Variants in GRID2 observed in about 807,000 individuals in gnomAD.
GRID2 encodes glutamate ionotropic receptor delta type subunit 2, also known as glutamate receptor ionotropic, delta-2.
Under a neutral mutation model 114.8 loss-of-function variants are expected in GRID2, and 33 were observed. The ratio of observed to expected loss-of-function variants is 0.29; its 90% CI spans 0.22 to 0.38. The LOEUF (loss-of-function observed/expected upper bound fraction) is 0.38, where lower values mean the gene tolerates loss of function less well. GRID2 is among the 10% of genes least tolerant of loss of function. The probability of loss-of-function intolerance (pLI) is 1.00; values close to 1 mark genes in which losing one functional copy is unlikely to be tolerated. For missense variants in GRID2, 1,184 were observed against 1,257.7 expected, an observed-to-expected ratio of 0.94 and a Z score of 0.89; for synonymous variants, 505 against 449.9, an observed-to-expected ratio of 1.12 and a Z score of -1.55.
At chr4:92,356,629 T>C (rs1446887325) in intron 1 of GRID2, among the ~76,000 whole-genome samples, 2 of 151,734 alleles carry the variant, frequency 1.3e-5, no homozygotes, top group African/African-American at 2.4e-5. Flanking sequence ...TATATATGTA[T>C]AGATGTTTAT....
chr4:92,525,110 G>T (rs980034526), intron 1 of GRID2, among the ~76,000 whole-genome samples: 1 of 152,000 alleles, frequency 6.6e-6, no homozygotes, highest in African/African-American at 2.4e-5. Context: ...CAGTTGCAGA[G>T]AGTGGCTGTG....
intron 1 of GRID2, among the ~76,000 whole-genome samples, chr4:92,328,813 A>G (rs1295076196): frequency 6.6e-6 from 1 of 152,060 alleles, no homozygotes; most frequent in Non-Finnish European, 1.5e-5. Context: ...GTGCTTTTCT[A>G]ACTGCTACAG....
intron 8 of GRID2, among the ~76,000 whole-genome samples, chr4:93,330,277 G>A (rs1201897244): frequency 6.6e-6 from 1 of 152,082 alleles, no homozygotes; most frequent in African/African-American, 2.4e-5. Flanking sequence ...ATCAAAGTTA[G>A]GGAGTGAGGT....
intron 8 of GRID2, among the ~76,000 whole-genome samples, chr4:93,342,960 G>T (rs1759816593): frequency 6.6e-6 from 1 of 152,142 alleles, no homozygotes; most frequent in African/African-American, 2.4e-5. Flanking sequence ...AAATATTCAT[G>T]AAGCTTAAGT....
At chr4:92,974,534 G>T (rs555776777) in intron 2 of GRID2, among the ~76,000 whole-genome samples, 9 of 152,198 alleles carry the variant, frequency 5.9e-5, no homozygotes, top group Non-Finnish European at 1.3e-4. Context: ...AATGTCCATT[G>T]CAGGGACATG....
intron 8 of GRID2, among the ~76,000 whole-genome samples, chr4:93,249,473 C>T (rs983604912): frequency 1.3e-5 from 2 of 152,072 alleles, no homozygotes; most frequent in African/African-American, 4.8e-5. Flanking sequence ...GCAGCATGGC[C>T]AACTTCATGA....
chr4:92,977,460 G>T (rs1257671492), intron 2 of GRID2, among the ~76,000 whole-genome samples: 2 of 152,172 alleles, frequency 1.3e-5, no homozygotes, highest in Non-Finnish European at 2.9e-5. Context: ...CATAGTAGAA[G>T]ATGAAAATGG....
intron 2 of GRID2, among the ~76,000 whole-genome samples, chr4:92,914,724 C>T (rs1358343486): frequency 6.6e-6 from 1 of 152,022 alleles, no homozygotes; most frequent in Non-Finnish European, 1.5e-5. Context: ...TCCAGCTTAT[C>T]CATGTTCTTG....
At chr4:93,484,035 AT>A (rs1217143838) in intron 11 of GRID2, among the ~76,000 whole-genome samples, 1 of 151,714 alleles carries the variant, frequency 6.6e-6, no homozygotes, top group African/African-American at 2.4e-5. Context: ...CTAATTGTGG[AT>A]AAAAAAAGGA....
Position 93,567,752 on chromosome 4 carries a change from A to G in GRID2, c.2193+52341A>G, listed in dbSNP as rs1735570991. On this transcript the variant is annotated intron_variant, in intron 13 of 15. Transcript: ENST00000282020. The stretch of plus-strand genomic sequence containing the variant: ...TCCATTCTCCTCTTGAGACTTAGAG[A>G]ATGGAACAGTAACCTTGTGACCAGG... 3.3e-5 allele frequency among the ~76,000 whole-genome samples: 5 copies of G among 152,170 alleles called. No homozygotes were observed. The South Asian group carries it at 8.3e-4, about 25-fold the overall frequency.
In GRID2 at chr4:93,309,355, C is replaced by T. The variant is rs148987638; in HGVS notation, c.1245+70865C>T. On this transcript the variant is annotated intron_variant, in intron 8 of 15. Coordinates refer to ENST00000282020, the MANE Select transcript of GRID2 (RefSeq NM_001510.4). ...TTCCAGACCAGCTTAGCCAACATGG[C>T]GAAACCCTGTCTCTGTTAAAATTAC... Among the ~76,000 whole-genome samples the T allele has an allele frequency of 1.2e-4, 19 of 152,014 alleles. No homozygotes were observed. The East Asian group carries it at 3.1e-3, about 25-fold the overall frequency.
At chr4:93,544,506 G>A (rs868492641) in intron 13 of GRID2, among the ~76,000 whole-genome samples, 2 of 151,962 alleles carry the variant, frequency 1.3e-5, no homozygotes, top group South Asian at 2.1e-4. Flanking sequence ...CACCAGGTAC[G>A]GTGGCTGACA....
intron 4 of GRID2, among the ~76,000 whole-genome samples, chr4:93,153,568 G>A (rs1480285266): frequency 1.3e-5 from 2 of 152,010 alleles, no homozygotes; most frequent in Non-Finnish European, 2.9e-5. Context: ...TAGCCGATGT[G>A]CTATGAATGA....
At chr4:92,576,169 C>G (rs1237148935) in intron 1 of GRID2, among the ~76,000 whole-genome samples, 1 of 152,172 alleles carries the variant, frequency 6.6e-6, no homozygotes, top group Non-Finnish European at 1.5e-5. Flanking sequence ...GGCTGGAGAC[C>G]CCAGCTGGGA....
chr4:93,097,920 C>A (rs772058430), intron 3 of GRID2, among the ~76,000 whole-genome samples: 1 of 151,742 alleles, frequency 6.6e-6, no homozygotes, highest in Non-Finnish European at 1.5e-5. Context: ...AAAATGATAC[C>A]TCTCTAAACT....
At chr4:93,109,051 A>G (rs12650929) in intron 3 of GRID2, among the ~76,000 whole-genome samples, 8,969 of 152,282 alleles carry the variant, frequency 0.059, 437 homozygotes, top group East Asian at 0.2. Context: ...TAGTATGTAC[A>G]TAGTCTTGTT....
intron 2 of GRID2, among the ~76,000 whole-genome samples, chr4:92,855,777 G>A (rs1744131550): frequency 6.6e-6 from 1 of 151,902 alleles, no homozygotes; most frequent in South Asian, 2.1e-4. Context: ...TTTTTATCTG[G>A]AGGTGAATTT....
intron 2 of GRID2, among the ~76,000 whole-genome samples, chr4:92,746,987 T>C (rs1737178992): frequency 6.6e-6 from 1 of 152,108 alleles, no homozygotes; most frequent in African/African-American, 2.4e-5. Flanking sequence ...TACTGCCTTT[T>C]CATTAAGAAT....
chr4:92,873,123 T>C (rs1745393238), intron 2 of GRID2, among the ~76,000 whole-genome samples: 1 of 152,174 alleles, frequency 6.6e-6, no homozygotes, highest in Non-Finnish European at 1.5e-5. Flanking sequence ...GAAAATTTTT[T>C]TGTTTGGTTT....
Sources: allele counts gnomAD v4.1 joint callset (sites outside exome capture counted in the v4.1 genomes callset), GRCh38; gene constraint gnomAD v4.1.1; transcripts MANE v1.5; gene names NCBI Gene and HGNC (gene_info 2026-07-23, HGNC 2026-07-21).